Variants in GPC5 observed in about 807,000 individuals in gnomAD.
The protein encoded by GPC5 is glypican-5.
In GPC5, 47 loss-of-function variants were observed where a neutral mutation model predicts 53.9. That is an observed-to-expected ratio of 0.87 (90% CI 0.69 to 1.11). The LOEUF is 1.11. Among genes scored for constraint, GPC5 ranks in the 50% most tolerant of loss-of-function variants. GPC5 has a pLI of 0.00. For synonymous variants in GPC5, 286 were observed against 263.3 expected (o/e 1.09, Z -0.84); for missense variants, 748 against 713.1 (o/e 1.05, Z -0.56).
At chr13:92,459,417 A>C (rs944819033) in intron 7 of GPC5, among the ~76,000 whole-genome samples, 2 of 152,222 alleles carry the variant, frequency 1.3e-5, no homozygotes, top group African/African-American at 4.8e-5. Flanking sequence ...AATCTCTTGT[A>C]GTCCATCTGT....
At chr13:92,790,781 C>G (rs1271444049) in intron 7 of GPC5, among the ~76,000 whole-genome samples, 1 of 152,094 alleles carries the variant, frequency 6.6e-6, no homozygotes, top group African/African-American at 2.4e-5. Context: ...TTTAATGACT[C>G]TAAATGACCT....
chr13:92,544,236 A>C (rs1487464452), intron 7 of GPC5, among the ~76,000 whole-genome samples: 2 of 152,112 alleles, frequency 1.3e-5, no homozygotes, highest in African/African-American at 4.8e-5. Flanking sequence ...ACAGAAAACA[A>C]GCATTTGAAA....
At chr13:92,560,848 G>C (rs1882668918) in intron 7 of GPC5, among the ~76,000 whole-genome samples, 1 of 124,912 alleles carries the variant, frequency 8.0e-6, no homozygotes, top group South Asian at 2.8e-4. Flanking sequence ...TAGAGAAATA[G>C]AAAATTATAT....
chr13:92,523,718 C>G (rs965061837), intron 7 of GPC5, among the ~76,000 whole-genome samples: 5 of 151,964 alleles, frequency 3.3e-5, no homozygotes, highest in African/African-American at 9.7e-5. Flanking sequence ...TTCAACAAAA[C>G]CTTTTGTATT....
intron 7 of GPC5, among the ~76,000 whole-genome samples, chr13:92,325,125 C>T (rs2043242192): frequency 6.6e-6 from 1 of 151,606 alleles, no homozygotes; most frequent in Non-Finnish European, 1.5e-5. Flanking sequence ...CACACACACA[C>T]ACACACGTAG....
chr13:92,422,577 A>T (rs1227492395), intron 7 of GPC5, among the ~76,000 whole-genome samples: 5 of 151,722 alleles, frequency 3.3e-5, no homozygotes, highest in African/African-American at 9.7e-5. Flanking sequence ...TCATGACGAG[A>T]GGTGAGATTA....
chr13:92,653,773 G>T (rs559748819), intron 7 of GPC5, among the ~76,000 whole-genome samples: 6 of 152,282 alleles, frequency 3.9e-5, no homozygotes, highest in Non-Finnish European at 8.8e-5. Context: ...CTATGCCTCA[G>T]CAGGGAAGGA....
chr13:92,217,257 G>C (rs193269662), intron 7 of GPC5, among the ~76,000 whole-genome samples: 47 of 152,266 alleles, frequency 3.1e-4, no homozygotes, highest in Admixed American at 2.5e-3. Flanking sequence ...TACTGACAAG[G>C]TTCTTTGCTT....
chr13:92,299,818 A>T (rs754008639), intron 7 of GPC5, among the ~76,000 whole-genome samples: 5 of 152,144 alleles, frequency 3.3e-5, no homozygotes, highest in Admixed American at 6.5e-5. Context: ...TGGTTTTTTA[A>T]ATCTAAATAT....
chr13:92,666,131 A>G (rs1319506561), intron 7 of GPC5, among the ~76,000 whole-genome samples: 2 of 152,204 alleles, frequency 1.3e-5, no homozygotes, highest in Non-Finnish European at 2.9e-5. Context: ...TACTTTATCC[A>G]TCTACTTCTA....
chr13:92,381,794 T>TATAGATACATAGATACATAGATAC (rs71766890), intron 7 of GPC5, among the ~76,000 whole-genome samples: 1 of 140,030 alleles, frequency 7.1e-6, no homozygotes. Context: ...CTGTGATATA[T>TATAGATACATAGATACATAGATAC]ATAGATACAT....
chr13:91,469,201 C>T (rs376706160), intron 2 of GPC5, among the ~76,000 whole-genome samples: 22 of 151,644 alleles, frequency 1.5e-4, no homozygotes, highest in Non-Finnish European at 4.4e-5. Flanking sequence ...CTCTGCCTCC[C>T]GCATTCAAGT....
chr13:92,409,075 A>G (rs1875931208), intron 7 of GPC5, among the ~76,000 whole-genome samples: 1 of 152,044 alleles, frequency 6.6e-6, no homozygotes, highest in African/African-American at 2.4e-5. Flanking sequence ...TCCTTATACT[A>G]CACACATTCA....
chr13:92,089,583 T>C (rs1200079019), intron 6 of GPC5, among the ~76,000 whole-genome samples: 1 of 152,202 alleles, frequency 6.6e-6, no homozygotes, highest in Non-Finnish European at 1.5e-5. Context: ...CTTGAAATCA[T>C]AAGATGTATT....
rs116306581 is a variant in GPC5, at chr13:92,786,851, C to T, written c.1562-79431C>T. 6.2e-3 allele frequency among the ~76,000 whole-genome samples: 944 copies of T among 152,022 alleles called. 9 individuals are homozygous for T. Among genetic ancestry groups the T allele is most frequent in the African/African-American group, 0.022 (896 of 41,460 alleles). On this transcript the variant is annotated intron_variant, in intron 7 of 7. Transcript: ENST00000377067. Reference sequence around the variant, plus strand: ...CTGTGGGGTAATGAGGAAGAAAGGCCCCCGGACATGGAGAATGGAGGGAGC... The same window carrying T: ...CTGTGGGGTAATGAGGAAGAAAGGCTCCCGGACATGGAGAATGGAGGGAGC...
At chr13:92,091,523 C>T (rs1440105108) in intron 6 of GPC5, among the ~76,000 whole-genome samples, 2 of 151,620 alleles carry the variant, frequency 1.3e-5, no homozygotes, top group African/African-American at 4.8e-5. Flanking sequence ...CATTTTAATT[C>T]CAACTACTAG....
chr13:91,499,153 C>T (rs557519193), intron 2 of GPC5, among the ~76,000 whole-genome samples: 2 of 152,034 alleles, frequency 1.3e-5, no homozygotes, highest in East Asian at 3.9e-4. Flanking sequence ...GGAGGAAGAA[C>T]AAGTCAAAGG....
At chr13:91,531,014 A>G (rs1886316339) in intron 2 of GPC5, among the ~76,000 whole-genome samples, 1 of 152,170 alleles carries the variant, frequency 6.6e-6, no homozygotes, top group African/African-American at 2.4e-5. Flanking sequence ...TCTTACTGCC[A>G]ATATTGAATT....
intron 7 of GPC5, among the ~76,000 whole-genome samples, chr13:92,327,252 T>C (rs191558479): frequency 1.2e-3 from 185 of 152,298 alleles, no homozygotes; most frequent in Non-Finnish European, 2.4e-3. Context: ...ATGTCCTTGC[T>C]TAATTCAAAC....
Sources: allele counts gnomAD v4.1 joint callset (sites outside exome capture counted in the v4.1 genomes callset), GRCh38; gene constraint gnomAD v4.1.1; transcripts MANE v1.5; gene names NCBI Gene and HGNC (gene_info 2026-07-23, HGNC 2026-07-21).